The following FOXN3 variants were observed in gnomAD, a reference collection of about 807,000 sequenced individuals.
FOXN3 encodes the protein forkhead box N3.
A neutral mutation model predicts 38.4 loss-of-function variants in FOXN3; 7 were observed. The observed-to-expected ratio is 0.18, with a 90% confidence interval of 0.10 to 0.34. FOXN3 has a LOEUF of 0.34. FOXN3 is among the 10% of genes least tolerant of loss of function. The pLI, the probability that FOXN3 is intolerant of heterozygous loss-of-function variation, is 1.00. For missense variants in FOXN3, 456 were observed against 613.4 expected (o/e 0.74, Z 2.71); for synonymous variants, 230 against 242.2 (o/e 0.95, Z 0.47).
chr14:89,371,038 G>A lies in FOXN3; in HGVS notation c.544-20230C>T, dbSNP rs140703356. Among the ~76,000 whole-genome samples the A allele has an allele frequency of 3.2e-3, 492 of 152,236 alleles. 2 individuals carry two copies. Among genetic ancestry groups the A allele is most frequent in the African/African-American group, 1.0e-2 (414 of 41,540 alleles). ...TGTGGCAGTCCTAGGGACAACTCACGGCTTGCTTATTCTTGAATGGTAAGC... is the reference window on the plus strand; with the variant it reads ...TGTGGCAGTCCTAGGGACAACTCACAGCTTGCTTATTCTTGAATGGTAAGC... On this transcript the variant is annotated intron_variant, in intron 2 of 5. Transcript: ENST00000557258.
At chr14:89,567,103 A>C (rs1895370329) in intron 1 of FOXN3, among the ~76,000 whole-genome samples, 1 of 152,174 alleles carries the variant, frequency 6.6e-6, no homozygotes, top group African/African-American at 2.4e-5. Flanking sequence ...GCGTTCCCTA[A>C]AACTACTCTT....
intron 1 of FOXN3, among the ~76,000 whole-genome samples, chr14:89,450,858 C>T (rs2139710947): frequency 6.6e-6 from 1 of 152,244 alleles, no homozygotes; most frequent in South Asian, 2.1e-4. Context: ...GCTCCCTGTG[C>T]CTTGCATGGA....
At chr14:89,421,953 C>T (rs1723546065), upstream of FOXN3, among the ~76,000 whole-genome samples, 1 of 152,184 alleles carries the variant, frequency 6.6e-6, no homozygotes, top group Non-Finnish European at 1.5e-5. Flanking sequence ...AATCGTAACT[C>T]ACTGCAGCCT....
intron 2 of FOXN3, among the ~76,000 whole-genome samples, chr14:89,378,706 CTTT>C (rs35772860): frequency 9.5e-5 from 13 of 136,914 alleles, no homozygotes; most frequent in Admixed American, 7.5e-4. Flanking sequence ...TCTTTTTGCA[CTTT>C]TTTTTTTTTT....
intron 1 of FOXN3, among the ~76,000 whole-genome samples, chr14:89,583,549 TCTC>T (rs1188736607): frequency 6.6e-6 from 1 of 152,136 alleles, no homozygotes; most frequent in East Asian, 1.9e-4. Flanking sequence ...GTTCTCTCTC[TCTC>T]TCTTCCTGTT....
At chr14:89,187,931 G>A (rs756199106) in intron 4 of FOXN3, among the ~76,000 whole-genome samples, 13 of 152,130 alleles carry the variant, frequency 8.5e-5, no homozygotes, top group Admixed American at 1.3e-4. Flanking sequence ...CAGATGGGAC[G>A]GTGAATGCAA....
intron 3 of FOXN3, among the ~76,000 whole-genome samples, chr14:89,302,334 T>C (rs1303353481): frequency 6.6e-6 from 1 of 152,218 alleles, no homozygotes; most frequent in Non-Finnish European, 1.5e-5. Flanking sequence ...GGTGTGTCCA[T>C]CAAGCTTTAC....
At chr14:89,320,284 G>A (rs549935536) in intron 3 of FOXN3, among the ~76,000 whole-genome samples, 2 of 152,274 alleles carry the variant, frequency 1.3e-5, no homozygotes, top group Admixed American at 6.5e-5. Flanking sequence ...AACACATCAA[G>A]TATTCATTCA....
intron 2 of FOXN3, among the ~76,000 whole-genome samples, chr14:89,365,296 T>C (rs1290480222): frequency 6.6e-6 from 1 of 152,190 alleles, no homozygotes; most frequent in Non-Finnish European, 1.5e-5. Context: ...AAATAGTTAT[T>C]TTTTTGTACT....
chr14:89,494,911 G>A (rs1286033078), intron 1 of FOXN3, among the ~76,000 whole-genome samples: 1 of 152,148 alleles, frequency 6.6e-6, no homozygotes, highest in African/African-American at 2.4e-5. Context: ...TGATTTTCCT[G>A]GAATTTGAAC....
intron 1 of FOXN3, among the ~76,000 whole-genome samples, chr14:89,511,165 C>CTTTCTTTCTT (rs1894058218): frequency 4.3e-5 from 1 of 23,028 alleles, no homozygotes; most frequent in African/African-American, 7.4e-5. Context: ...TTCTTTCTTT[C>CTTTCTTTCTT]TTTCTTTCTT....
chr14:89,350,889 ACT>A lies in FOXN3; in HGVS notation c.544-83_544-82del. On this transcript the variant is annotated intron_variant, in intron 2 of 5. Transcript: ENST00000557258. ...AATAAGTAGATGTATAGCTATTATCACTTCTTTATTTTTAAAAGCTTCTCATT... is the reference window on the plus strand; with the variant it reads ...AATAAGTAGATGTATAGCTATTATCATCTTTATTTTTAAAAGCTTCTCATT... 3 of 1,063,126 alleles carry A rather than the reference ACT, an allele frequency of 2.8e-6. No homozygotes were observed. In the South Asian group the frequency reaches 7.4e-5, roughly 26 times the overall value. 65.9% of individuals were successfully genotyped at this position (1,063,126 alleles called of 1,614,324 possible).
chr14:89,578,714 A>G (rs1037355693), intron 1 of FOXN3, among the ~76,000 whole-genome samples: 6 of 152,096 alleles, frequency 3.9e-5, no homozygotes, highest in African/African-American at 1.2e-4. Context: ...TTCCAAACAC[A>G]ATCCTGAACT....
intron 2 of FOXN3, among the ~76,000 whole-genome samples, chr14:89,368,098 G>A (rs369877692): frequency 6.6e-6 from 1 of 151,960 alleles, no homozygotes; most frequent in Non-Finnish European, 1.5e-5. Context: ...GGAGGCCGAG[G>A]CGGGTGAATC....
intron 1 of FOXN3, among the ~76,000 whole-genome samples, chr14:89,589,118 A>G (rs1300622230): frequency 2.6e-5 from 4 of 152,304 alleles, no homozygotes; most frequent in East Asian, 1.9e-4. Context: ...AAAAAATTAA[A>G]TATTTGAACT....
At chr14:89,168,100 C>A (rs1021514020) in intron 5 of FOXN3, among the ~76,000 whole-genome samples, 8 of 151,756 alleles carry the variant, frequency 5.3e-5, no homozygotes, top group African/African-American at 1.9e-4. Flanking sequence ...AATAAAAAAA[C>A]AAAAATTAAA....
intron 1 of FOXN3, among the ~76,000 whole-genome samples, chr14:89,611,634 G>GT (rs1387968928): frequency 3.9e-5 from 6 of 151,940 alleles, no homozygotes; most frequent in Non-Finnish European, 5.9e-5. Flanking sequence ...GTGAAACCCC[G>GT]TCTCTACTAA....
chr14:89,215,015 G>T (rs933350943), intron 4 of FOXN3, among the ~76,000 whole-genome samples: 7 of 152,198 alleles, frequency 4.6e-5, no homozygotes, highest in African/African-American at 1.4e-4. Context: ...TTAGGCGAGG[G>T]TAGTATATTC....
intron 2 of FOXN3, among the ~76,000 whole-genome samples, chr14:89,370,843 G>A (rs74810575): frequency 2.0e-5 from 3 of 152,200 alleles, no homozygotes; most frequent in Non-Finnish European, 4.4e-5. Context: ...TTCATTTCTG[G>A]TGGTTACCCC....
Sources: gnomAD v4.1 joint callset for allele counts (sites outside exome capture counted in the v4.1 genomes callset) on GRCh38, gnomAD v4.1.1 for gene constraint, MANE v1.5 for transcripts, NCBI Gene and HGNC (gene_info 2026-07-23, HGNC 2026-07-21) for gene names.